The following PTPN4 variants were observed in gnomAD, a reference collection of about 807,000 sequenced individuals.
PTPN4 encodes the protein tyrosine-protein phosphatase non-receptor type 4.
PTPN4 carries 49 observed loss-of-function variants against 135.5 expected under a neutral mutation model. The observed-to-expected ratio is 0.36, with a 90% CI of 0.29 to 0.46. The LOEUF (loss-of-function observed/expected upper bound fraction) is 0.46. Ranked by LOEUF, PTPN4 falls within the 20% of genes least tolerant of loss-of-function variation. The pLI is 1.00. For synonymous variants in PTPN4, 333 were observed against 369.9 expected, an observed-to-expected ratio of 0.90 and a Z score of 1.14; for missense variants, 860 against 1,101.0, an observed-to-expected ratio of 0.78 and a Z score of 3.10.
intron 10 of PTPN4, among the ~76,000 whole-genome samples, chr2:119,901,050 G>A (rs991199816): frequency 2.7e-4 from 41 of 152,290 alleles, no homozygotes; most frequent in Non-Finnish European, 5.7e-4. Flanking sequence ...GATGATCAGA[G>A]CTTTCCAGTC....
At chr2:119,820,010 C>T (rs747264400) in intron 2 of PTPN4, among the ~76,000 whole-genome samples, 3 of 151,982 alleles carry the variant, frequency 2.0e-5, no homozygotes, top group Admixed American at 1.3e-4. Context: ...TACGGGCATG[C>T]GCCACCATGA....
At chr2:119,867,043 A>G (rs1368124069) in intron 3 of PTPN4, among the ~76,000 whole-genome samples, 1 of 152,170 alleles carries the variant, frequency 6.6e-6, no homozygotes, top group Non-Finnish European at 1.5e-5. Context: ...GCAGAGATCA[A>G]GAGTGAAGAA....
At chr2:119,926,753 G>T in intron 13 of PTPN4, 87 bp downstream of exon 13, 1 of 1,032,468 alleles carries the variant, frequency 9.7e-7, no homozygotes, top group Non-Finnish European at 1.4e-6. Context: ...TTTTTCTAAA[G>T]TTTTTCTAAA....
At chr2:119,885,926 G>A (rs770563499) in intron 9 of PTPN4, 44 bp downstream of exon 9, 13 of 1,302,722 alleles carry the variant, frequency 1.0e-5, no homozygotes, top group Admixed American at 7.1e-5. Flanking sequence ...GTTAGGCTCC[G>A]TTACTCAATA....
At chr2:119,970,981 T>A (rs1679525624) in intron 26 of PTPN4, among the ~76,000 whole-genome samples, 1 of 152,232 alleles carries the variant, frequency 6.6e-6, no homozygotes, top group Non-Finnish European at 1.5e-5. Flanking sequence ...ATTTTAGCCA[T>A]CCTGCTGGGT....
chr2:119,874,384 A>G (rs908905548), intron 3 of PTPN4, among the ~76,000 whole-genome samples: 2 of 152,238 alleles, frequency 1.3e-5, no homozygotes, highest in South Asian at 2.1e-4. Flanking sequence ...ACAAATGTTC[A>G]TAGCAGTATT....
At position 119,900,746 on chromosome 2, in the gene PTPN4, G is replaced by T; in HGVS notation, c.704G>T (p.Gly235Val). The T allele has an allele frequency of 6.3e-7, 1 of 1,582,978 alleles. No homozygotes were observed. The highest frequency in any genetic ancestry group is 8.6e-7 in the Non-Finnish European group (1 of 1,164,324). Residue 235 changes from glycine (G) to valine (V), a missense_variant, in exon 10 of 27, where the codon GGA becomes GTA. By Grantham distance (109) the Gly-to-Val change is moderately radical (BLOSUM62 -3). Coordinates refer to ENST00000263708, the MANE Select transcript of PTPN4 (RefSeq NM_002830.4). ...CAGAGTAACAATGAAATTATGATTGGAGTGATGTCAGGAGGAATTCTGATT... is the reference window on the plus strand; with the variant it reads ...CAGAGTAACAATGAAATTATGATTGTAGTGATGTCAGGAGGAATTCTGATT... ...RDQSNNEIMI[G>V]VMSGGILIYK...
At chr2:119,968,624 T>C (rs558723563) in intron 26 of PTPN4, among the ~76,000 whole-genome samples, 13 of 152,196 alleles carry the variant, frequency 8.5e-5, no homozygotes, top group African/African-American at 2.9e-4. Context: ...ACCCCGTCTC[T>C]ACTAAAAATG....
At chr2:119,964,633 T>C (rs930036743) in intron 24 of PTPN4, among the ~76,000 whole-genome samples, 6 of 152,338 alleles carry the variant, frequency 3.9e-5, no homozygotes, top group African/African-American at 1.4e-4. Flanking sequence ...CCTATGTACT[T>C]GATTATCATC....
At chr2:119,795,143 G>A (rs1574337735) in intron 1 of PTPN4, among the ~76,000 whole-genome samples, 1 of 152,172 alleles carries the variant, frequency 6.6e-6, no homozygotes, top group East Asian at 1.9e-4. Flanking sequence ...CTTGGTGTCT[G>A]GCTGAGTCTG....
chr2:119,840,575 A>G (rs1048074299), intron 2 of PTPN4, among the ~76,000 whole-genome samples: 1 of 152,216 alleles, frequency 6.6e-6, no homozygotes, highest in Admixed American at 6.5e-5. Flanking sequence ...CTACAATAGA[A>G]TGATTTATAT....
intron 8 of PTPN4, 50 bp downstream of exon 8, chr2:119,882,673 T>C (rs1678097956): frequency 7.2e-7 from 1 of 1,379,664 alleles, no homozygotes; most frequent in Non-Finnish European, 9.8e-7. Context: ...TGGCATTCTT[T>C]CTAGAGAAAT....
At chr2:119,822,960 C>T (rs1005115272) in intron 2 of PTPN4, among the ~76,000 whole-genome samples, 1 of 152,154 alleles carries the variant, frequency 6.6e-6, no homozygotes, top group African/African-American at 2.4e-5. Context: ...AAGTTTGCCT[C>T]TCCCCCCATT....
At chr2:119,883,549 G>A (rs1158117704) in intron 8 of PTPN4, among the ~76,000 whole-genome samples, 2 of 152,092 alleles carry the variant, frequency 1.3e-5, no homozygotes, top group Non-Finnish European at 2.9e-5. Context: ...ATTCAGTTGT[G>A]CTTCAATATA....
intron 1 of PTPN4, among the ~76,000 whole-genome samples, chr2:119,799,767 G>A (rs1691328184): frequency 6.6e-6 from 1 of 152,172 alleles, no homozygotes; most frequent in Admixed American, 6.5e-5. Context: ...AGCTGACTAG[G>A]TGGGTTAGCT....
chr2:119,844,411 C>A (rs1189232374), intron 2 of PTPN4, among the ~76,000 whole-genome samples: 2 of 149,794 alleles, frequency 1.3e-5, no homozygotes, highest in African/African-American at 4.9e-5. Context: ...TCCTCACTTC[C>A]CAGATGGGGT....
At chr2:119,845,269 G>GGGGAGA (rs1287791559) in intron 2 of PTPN4, among the ~76,000 whole-genome samples, 28 of 100,234 alleles carry the variant, frequency 2.8e-4, no homozygotes, top group African/African-American at 8.5e-4. Context: ...GGAGGGGGAG[G>GGGGAGA]GAGAGGGAGA....
intron 2 of PTPN4, among the ~76,000 whole-genome samples, chr2:119,842,770 CTG>C (rs1479656139): frequency 6.6e-6 from 1 of 152,176 alleles, no homozygotes; most frequent in Non-Finnish European, 1.5e-5. Flanking sequence ...TCTTCTCTAA[CTG>C]TGGTACAATA....
rs1415856133 is a variant in PTPN4, at chr2:119,981,712, A to G, written c.*4642A>G. On this transcript the variant is annotated 3_prime_UTR_variant, in exon 27 of 27. Coordinates refer to ENST00000263708, the MANE Select transcript of PTPN4 (RefSeq NM_002830.4). ...CAACCATTATATAGACTTCATTGAT[A>G]CTCAGCAATTACTACAGTGTGTCTT... 1 of 152,082 alleles carries G rather than the reference A, an allele frequency of 6.6e-6. No individual in the cohort carries two copies. The highest frequency in any genetic ancestry group is 1.9e-4 in the East Asian group (1 of 5,202). 9.4% of individuals were successfully genotyped at this position (152,082 alleles called of 1,614,324 possible).
Sources: allele counts gnomAD v4.1 joint callset (sites outside exome capture counted in the v4.1 genomes callset), GRCh38; gene constraint gnomAD v4.1.1; transcripts MANE v1.5; gene names NCBI Gene and HGNC (gene_info 2026-07-23, HGNC 2026-07-21).